FAM227B: variants seen among roughly 807,000 people sequenced by gnomAD.
FAM227B encodes the protein family with sequence similarity 227 member B, also known as protein FAM227B.
FAM227B carries 88 observed loss-of-function variants against 73.8 expected under a neutral mutation model. The observed-to-expected ratio is 1.19, with a 90% CI of 1.00 to 1.42. The LOEUF (loss-of-function observed/expected upper bound fraction) is 1.42, where lower values mean the gene tolerates loss of function less well. Among genes scored for constraint, FAM227B ranks in the 40% most tolerant of loss-of-function variants. The pLI is 0.00. For synonymous variants in FAM227B, 210 were observed against 190.5 expected (o/e 1.10, Z -0.84); for missense variants, 632 against 590.9 (o/e 1.07, Z -0.72).
intron 12 of FAM227B, among the ~76,000 whole-genome samples, chr15:49,369,484 G>A (rs1245873409): frequency 6.6e-6 from 1 of 152,120 alleles, no homozygotes; most frequent in African/African-American, 2.4e-5. Flanking sequence ...ATAAACTTAA[G>A]AATGATCATA....
At chr15:49,447,878 T>C (rs931852714) in intron 11 of FAM227B, among the ~76,000 whole-genome samples, 10 of 151,682 alleles carry the variant, frequency 6.6e-5, no homozygotes, top group African/African-American at 2.2e-4. Flanking sequence ...GTTTGACTTT[T>C]GTTTTTCATG....
intron 13 of FAM227B, among the ~76,000 whole-genome samples, chr15:49,345,664 T>C (rs1262035390): frequency 6.6e-6 from 1 of 152,216 alleles, no homozygotes; most frequent in Non-Finnish European, 1.5e-5. Flanking sequence ...GGTAAGCCAC[T>C]GAATGGAAGA....
Position 49,328,324 on chromosome 15 carries a change from A to C in FAM227B, c.*244T>G. On this transcript the variant is annotated 3_prime_UTR_variant, in exon 16 of 16. Coordinates refer to ENST00000299338, the MANE Select transcript of FAM227B (RefSeq NM_152647.3). Reference sequence around the variant, plus strand: ...AATGGTTGAAAGCTCTCTATGCTTCATAATGATTCTTTTTCCATCTTAAAA... The same window carrying C: ...AATGGTTGAAAGCTCTCTATGCTTCCTAATGATTCTTTTTCCATCTTAAAA... 1 of 1,432,394 alleles carries C rather than the reference A, an allele frequency of 7.0e-7. No individual in the cohort carries two copies. Among genetic ancestry groups the C allele is most frequent in the African/African-American group, 1.4e-5 (1 of 69,742 alleles). The allele number at this position is 1,432,394 out of a possible 1,614,324, so 88.7% of individuals were successfully genotyped here.
intron 11 of FAM227B, among the ~76,000 whole-genome samples, chr15:49,394,344 G>A (rs73398243): frequency 0.16 from 24,689 of 152,132 alleles, 2,331 homozygotes; most frequent in Non-Finnish European, 0.21. Flanking sequence ...GTGGGAATTT[G>A]TGGAGGTTCT....
At chr15:49,530,144 T>C (rs575902457) in intron 10 of FAM227B, among the ~76,000 whole-genome samples, 2 of 151,968 alleles carry the variant, frequency 1.3e-5, no homozygotes, top group Admixed American at 1.3e-4. Flanking sequence ...GCAATTATTA[T>C]GCTTTTAATT....
chr15:49,399,333 G>T (rs1250467366), intron 11 of FAM227B, among the ~76,000 whole-genome samples: 2 of 147,712 alleles, frequency 1.4e-5, no homozygotes, highest in Admixed American at 6.7e-5. Flanking sequence ...CCAATAACAG[G>T]ATCTGAAATT....
At chr15:49,575,455 TA>T (rs1212682273) in intron 7 of FAM227B, among the ~76,000 whole-genome samples, 3 of 152,058 alleles carry the variant, frequency 2.0e-5, no homozygotes, top group Non-Finnish European at 4.4e-5. Context: ...ACTTGAACAC[TA>T]CATTTTCATC....
chr15:49,426,157 CTTTGTTT>C (rs891777240), intron 11 of FAM227B, among the ~76,000 whole-genome samples: 4 of 151,810 alleles, frequency 2.6e-5, no homozygotes, highest in African/African-American at 9.6e-5. Context: ...GGGACAATTT[CTTTGTTT>C]TTCTGACCCT....
intron 11 of FAM227B, chr15:49,485,761 T>C (rs1013820560): frequency 6.6e-6 from 1 of 152,408 alleles, no homozygotes; most frequent in East Asian, 1.9e-4. Flanking sequence ...CAAATATAAG[T>C]ATTTACAGGA....
At chr15:49,369,972 G>A (rs2045700599) in intron 12 of FAM227B, among the ~76,000 whole-genome samples, 2 of 152,188 alleles carry the variant, frequency 1.3e-5, no homozygotes, top group Non-Finnish European at 2.9e-5. Context: ...TGGAATTGGA[G>A]TCTTTATAAG....
At chr15:49,585,983 C>A (rs1039335110) in intron 5 of FAM227B, among the ~76,000 whole-genome samples, 4 of 152,112 alleles carry the variant, frequency 2.6e-5, no homozygotes, top group Non-Finnish European at 5.9e-5. Context: ...AATGCTATTC[C>A]TATTAAACTA....
chr15:49,384,638 C>T (rs2046763778), intron 11 of FAM227B, among the ~76,000 whole-genome samples: 1 of 151,868 alleles, frequency 6.6e-6, no homozygotes, highest in Non-Finnish European at 1.5e-5. Flanking sequence ...CATATTATAC[C>T]AGATTGGCAT....
chr15:49,415,767 A>G lies in FAM227B; in HGVS notation c.1013-44368T>C, dbSNP rs534002753. On this transcript the variant is annotated intron_variant, in intron 11 of 15. Transcript: ENST00000299338. ...TCACCAGCACACCACAATTTTGAAC[A>G]TATGACTCATACTTTGTATCTTATA... 1.1e-4 allele frequency among the ~76,000 whole-genome samples: 17 copies of G among 152,324 alleles called. 1 individual carries two copies. Among genetic ancestry groups the G allele is most frequent in the Admixed American group, 1.1e-3 (17 of 15,282 alleles).
chr15:49,424,400 A>G (rs746255850), intron 11 of FAM227B: 2 of 1,613,702 alleles, frequency 1.2e-6, no homozygotes, highest in Non-Finnish European at 1.7e-6. Flanking sequence ...TTGCAATGAC[A>G]TGACTCCAGA....
At chr15:49,391,069 G>C (rs954269782) in intron 11 of FAM227B, among the ~76,000 whole-genome samples, 7 of 152,182 alleles carry the variant, frequency 4.6e-5, no homozygotes, top group Middle Eastern at 3.4e-3. Flanking sequence ...TTGTAAAAGT[G>C]AGGAGTTTCA....
intron 5 of FAM227B, among the ~76,000 whole-genome samples, chr15:49,578,726 G>GA (rs565442664): frequency 2.2e-4 from 34 of 152,198 alleles, no homozygotes; most frequent in Admixed American, 9.2e-4. Flanking sequence ...GACTTTTTAG[G>GA]AAAAATGAGA....
At chr15:49,418,836 G>T (rs1019072857) in intron 11 of FAM227B, among the ~76,000 whole-genome samples, 7 of 151,892 alleles carry the variant, frequency 4.6e-5, no homozygotes, top group African/African-American at 1.7e-4. Context: ...GATATGCAAA[G>T]AATAACATAT....
intron 11 of FAM227B, among the ~76,000 whole-genome samples, chr15:49,449,541 G>T (rs977414368): frequency 6.6e-6 from 1 of 151,858 alleles, no homozygotes; most frequent in Admixed American, 6.6e-5. Flanking sequence ...GCACAGGGTG[G>T]GGCCAGAATC....
chr15:49,565,381 CAAA>C (rs3075974), intron 9 of FAM227B, among the ~76,000 whole-genome samples: 1 of 90,272 alleles, frequency 1.1e-5, no homozygotes, highest in African/African-American at 4.0e-5. Flanking sequence ...GACTCCATCT[CAAA>C]AAAAAAAAAA....
Sources: allele counts gnomAD v4.1 joint callset (sites outside exome capture counted in the v4.1 genomes callset), GRCh38; gene constraint gnomAD v4.1.1; transcripts MANE v1.5; gene names NCBI Gene and HGNC (gene_info 2026-07-23, HGNC 2026-07-21).